Variants in UTRN observed in about 807,000 individuals in gnomAD.
UTRN encodes the protein utrophin.
UTRN carries 283 observed loss-of-function variants against 463.9 expected under a neutral mutation model. The observed-to-expected ratio is 0.61, with a 90% CI of 0.55 to 0.67. UTRN has a LOEUF of 0.67. Among genes scored for constraint, UTRN ranks in the 30% least tolerant of loss-of-function variants. The pLI is 0.00. For synonymous variants in UTRN, 1,442 were observed against 1,431.5 expected (o/e 1.01, Z -0.17); for missense variants, 3,922 against 4,084.3 (o/e 0.96, Z 1.08).
At chr6:144,576,984 T>G (rs1801498586) in intron 50 of UTRN, 115 bp from the exon 51 acceptor site, 1 of 933,450 alleles carries the variant, frequency 1.1e-6, no homozygotes, top group African/African-American at 1.7e-5. Context: ...CTATGGTGAC[T>G]TGAATAAAAG....
At chr6:144,850,336 C>T (rs1041178030) in intron 74 of UTRN, among the ~76,000 whole-genome samples, 2 of 152,078 alleles carry the variant, frequency 1.3e-5, no homozygotes, top group Non-Finnish European at 2.9e-5. Context: ...CCTGAGGGTC[C>T]AGAAAGGCCT....
intron 1 of UTRN, among the ~76,000 whole-genome samples, chr6:144,288,143 A>G (rs1254266288): frequency 6.6e-6 from 1 of 152,232 alleles, no homozygotes. Context: ...CACTATTTAA[A>G]TAGCCTTCTG....
At chr6:144,325,141 C>G (rs144383854) in intron 2 of UTRN, among the ~76,000 whole-genome samples, 199 of 152,266 alleles carry the variant, frequency 1.3e-3, no homozygotes, top group Middle Eastern at 6.8e-3. Flanking sequence ...GGAGGTGCCC[C>G]AGTTCCTGAA....
chr6:144,451,051 G>A (rs1452880838), intron 17 of UTRN, among the ~76,000 whole-genome samples: 1 of 152,174 alleles, frequency 6.6e-6, no homozygotes, highest in Non-Finnish European at 1.5e-5. Flanking sequence ...GGCGGAGGTT[G>A]CAGTGAGCCG....
chr6:144,693,667 G>A (rs1412141598), intron 52 of UTRN, among the ~76,000 whole-genome samples: 1 of 152,108 alleles, frequency 6.6e-6, no homozygotes. Flanking sequence ...GAATGGGATT[G>A]TGTTCCTGCT....
chr6:144,413,371 G>A (rs544040736), intron 3 of UTRN, among the ~76,000 whole-genome samples: 1 of 152,164 alleles, frequency 6.6e-6, no homozygotes, highest in African/African-American at 2.4e-5. Flanking sequence ...AAAGGAAAGA[G>A]GTTTAATTGA....
At chr6:144,609,303 C>T (rs1224028165) in intron 51 of UTRN, among the ~76,000 whole-genome samples, 2 of 152,096 alleles carry the variant, frequency 1.3e-5, no homozygotes, top group Non-Finnish European at 2.9e-5. Context: ...ATACTTATAT[C>T]AGACAAAATA....
At chr6:144,455,997 C>T (rs1342878379) in intron 19 of UTRN, among the ~76,000 whole-genome samples, 1 of 151,892 alleles carries the variant, frequency 6.6e-6, no homozygotes, top group African/African-American at 2.4e-5. Flanking sequence ...TCATAGGAAA[C>T]CTTTTATAGT....
chr6:144,340,086 G>T (rs1777030209), intron 2 of UTRN, among the ~76,000 whole-genome samples: 1 of 152,202 alleles, frequency 6.6e-6, no homozygotes, highest in Non-Finnish European at 1.5e-5. Flanking sequence ...TGAATTGCTG[G>T]AATCTGGGAG....
At chr6:144,703,555 A>G (rs912898647) in intron 53 of UTRN, among the ~76,000 whole-genome samples, 2 of 152,218 alleles carry the variant, frequency 1.3e-5, no homozygotes, top group Non-Finnish European at 2.9e-5. Flanking sequence ...GAGGAAACTG[A>G]GAAGGAAGAG....
At chr6:144,370,859 C>A (rs1424715471) in intron 2 of UTRN, among the ~76,000 whole-genome samples, 5 of 152,194 alleles carry the variant, frequency 3.3e-5, no homozygotes, top group African/African-American at 1.2e-4. Context: ...ATTTGACTGT[C>A]CTCCTGGATT....
intron 43 of UTRN, 68 bp from the exon 44 acceptor site, chr6:144,537,514 C>T (rs1369939584): frequency 1.7e-6 from 2 of 1,193,502 alleles, no homozygotes; most frequent in Non-Finnish European, 2.2e-6. Flanking sequence ...ATATTCAAAG[C>T]AAATATGTAA....
chr6:144,793,831 C>T lies in UTRN; in HGVS notation c.8921-3C>T, dbSNP rs1776976549. 3 of 1,612,906 alleles carry T rather than the reference C, an allele frequency of 1.9e-6. No individual in the cohort carries two copies. Among genetic ancestry groups the T allele is most frequent in the Non-Finnish European group, 2.5e-6 (3 of 1,179,440 alleles). ...AAAGTTAACCTCTTGCCTCTCTTTG[C>T]AGATCTCTTTAAGGAAGTTGCAGGG... is the stretch of plus-strand genomic sequence containing the variant. On this transcript the variant is annotated splice_polypyrimidine_tract_variant and splice_region_variant and intron_variant, in intron 62 of 74. Transcript: ENST00000367545.
chr6:144,542,815 C>T lies in UTRN; in HGVS notation c.6540C>T (p.Thr2180=). ...GGTAGATTTGCAGAGAGGTGCCTAC[C>T]ACCCTGAAGGAATGCATCCAGGAGC... ...TWNKICREVP[T]TLKECIQEPS... The change falls in exon 46 of 75, where the codon ACC becomes ACT. Residue 2180 remains threonine (T), a synonymous_variant. Coordinates refer to ENST00000367545, the MANE Select transcript of UTRN (RefSeq NM_007124.3). The T allele has an allele frequency of 6.2e-7, 1 of 1,613,692 alleles. No individual in the cohort carries two copies. Among genetic ancestry groups the T allele is most frequent in the Non-Finnish European group, 8.5e-7 (1 of 1,179,828 alleles).
chr6:144,732,263 C>CATAT (rs1227075300), intron 54 of UTRN, among the ~76,000 whole-genome samples: 1 of 98,042 alleles, frequency 1.0e-5, no homozygotes, highest in Non-Finnish European at 2.0e-5. Context: ...TATATACACA[C>CATAT]ATATATATAT....
At chr6:144,657,769 A>C (rs1018082371) in intron 51 of UTRN, among the ~76,000 whole-genome samples, 2 of 152,176 alleles carry the variant, frequency 1.3e-5, no homozygotes, top group African/African-American at 4.8e-5. Flanking sequence ...GGGGGAATGG[A>C]ATGGCGTGTT....
rs192646423 is a variant in UTRN at position 144,336,014 on chromosome 6, G to A, written c.79+44107G>A. ...CCATAGTTTAGACAGGACTATCTTTGTGTGGTACCAGCTGCGGCAGGATCT... is the reference window on the plus strand; with the variant it reads ...CCATAGTTTAGACAGGACTATCTTTATGTGGTACCAGCTGCGGCAGGATCT... On this transcript the variant is annotated intron_variant, in intron 2 of 74. Transcript: ENST00000367545. Among the ~76,000 whole-genome samples the A allele has an allele frequency of 2.0e-5, 3 of 152,236 alleles. 1 individual carries two copies. The highest frequency in any genetic ancestry group is 4.8e-5 in the African/African-American group (2 of 41,550).
chr6:144,794,909 A>T (rs1400477242), intron 63 of UTRN, among the ~76,000 whole-genome samples: 3 of 152,108 alleles, frequency 2.0e-5, no homozygotes, highest in Non-Finnish European at 4.4e-5. Flanking sequence ...TCTGGGGTAC[A>T]TGTGCAGAAC....
intron 7 of UTRN, among the ~76,000 whole-genome samples, chr6:144,427,042 C>A (rs998484489): frequency 6.6e-6 from 1 of 152,090 alleles, no homozygotes; most frequent in African/African-American, 2.4e-5. Flanking sequence ...TATGAAATTG[C>A]CGACATGTGA....
Sources: gnomAD v4.1 joint callset for allele counts (sites outside exome capture counted in the v4.1 genomes callset) on GRCh38, gnomAD v4.1.1 for gene constraint, MANE v1.5 for transcripts, NCBI Gene and HGNC (gene_info 2026-07-23, HGNC 2026-07-21) for gene names.